Variants in PTPRN2 observed in about 807,000 individuals in gnomAD.
PTPRN2 encodes the protein receptor-type tyrosine-protein phosphatase N2.
PTPRN2 carries 74 observed loss-of-function variants against 118.8 expected under a neutral mutation model. The ratio of observed to expected loss-of-function variants is 0.62; its 90% CI spans 0.52 to 0.76. PTPRN2 has a LOEUF of 0.76. PTPRN2 is among the 30% of genes least tolerant of loss of function. The pLI is 0.00. For missense variants in PTPRN2, 1,481 were observed against 1,394.4 expected (o/e 1.06, Z -0.99); for synonymous variants, 641 against 608.0 (o/e 1.05, Z -0.80).
rs773731835 is a variant in PTPRN2, at chr7:157,578,110, C to T, written c.2527G>A (p.Val843Ile). Reference protein sequence around the residue: ...MVWESGCVVIVMLTPLAENGV... With the variant: ...MVWESGCVVIIMLTPLAENGV... ...TTCTCCGCGAGGGGTGTCAGCATGA[C>T]GATCACCACGCAGCCGCTCTCCCAC... is the stretch of plus-strand genomic sequence containing the variant. The change falls in exon 18 of 23, where the codon GTC becomes ATC. Residue 843 changes from valine to isoleucine, a missense_variant. Physicochemically the swap from Val to Ile is conservative, Grantham distance 29. Coordinates refer to ENST00000389418, the MANE Select transcript of PTPRN2 (RefSeq NM_002847.5). 2.5e-6 allele frequency: 4 copies of T among 1,612,960 alleles called. No individual in the cohort carries two copies. Among genetic ancestry groups the T allele is most frequent in the East Asian group, 2.2e-5 (1 of 44,874 alleles).
intron 12 of PTPRN2, among the ~76,000 whole-genome samples, chr7:157,731,651 C>A (rs1799928293): frequency 2.6e-5 from 1 of 38,446 alleles, no homozygotes. Context: ...TACCCTTTCC[C>A]GTCCCACGCG....
chr7:157,812,073 G>T (rs1301738208), intron 12 of PTPRN2, among the ~76,000 whole-genome samples: 1 of 152,156 alleles, frequency 6.6e-6, no homozygotes, highest in Non-Finnish European at 1.5e-5. Flanking sequence ...TGTGACTGAG[G>T]GTTTGGCCGG....
intron 12 of PTPRN2, among the ~76,000 whole-genome samples, chr7:157,696,695 C>T (rs1319231126): frequency 1.3e-5 from 2 of 149,696 alleles, no homozygotes; most frequent in South Asian, 2.2e-4. Context: ...GAGCCCTCAC[C>T]GTCTACCCAT....
chr7:157,811,330 T>TA (rs1267861543), intron 12 of PTPRN2, among the ~76,000 whole-genome samples: 6 of 44,414 alleles, frequency 1.4e-4, no homozygotes, highest in African/African-American at 3.4e-4. Context: ...TAATCTACTC[T>TA]ATTATATATA....
chr7:157,868,273 A>G lies in PTPRN2; in HGVS notation c.1788+30400T>C, dbSNP rs1457588893. On this transcript the variant is annotated intron_variant, in intron 12 of 22. Coordinates refer to ENST00000389418, the MANE Select transcript of PTPRN2 (RefSeq NM_002847.5). This position sits in a 1 kb window ranked among gnomAD's most constrained non-coding sequence, Gnocchi z 5.2. ...TGGGACTCGGCAAGCCCATCTGAAC[A>G]GGGCTCTCTGCAGGCAGCCCCAGGC... 6.6e-6 allele frequency among the ~76,000 whole-genome samples: 1 copy of G among 152,210 alleles called. No individual in the cohort carries two copies. The highest frequency in any genetic ancestry group is 1.5e-5 in the Non-Finnish European group (1 of 68,028).
At chr7:158,358,215 C>T (rs532866455) in intron 2 of PTPRN2, among the ~76,000 whole-genome samples, 4 of 152,318 alleles carry the variant, frequency 2.6e-5, no homozygotes, top group South Asian at 4.1e-4. Flanking sequence ...AGACGCCCTA[C>T]GCCCACCTTT....
intron 21 of PTPRN2, among the ~76,000 whole-genome samples, chr7:157,557,493 A>G (rs1444029348): frequency 2.0e-5 from 3 of 151,274 alleles, no homozygotes; most frequent in African/African-American, 7.3e-5. Flanking sequence ...GTGCATGCAC[A>G]CACAGGTACA....
Position 158,077,746 on chromosome 7 carries a change from G to A in PTPRN2, c.1723+3552C>T, listed in dbSNP as rs144284381. Among the ~76,000 whole-genome samples the A allele has an allele frequency of 6.8e-3, 1,039 of 152,294 alleles. 8 individuals are homozygous for A. The highest frequency in any genetic ancestry group is 0.023 in the African/African-American group (939 of 41,566). The stretch of plus-strand genomic sequence containing the variant: ...CACCGGGTGAGGGTCTCTGCAGACT[G>A]GGAGCCAGCAAAAGCAAACAGTTTC... On this transcript the variant is annotated intron_variant, in intron 11 of 22. Coordinates refer to ENST00000389418, the MANE Select transcript of PTPRN2 (RefSeq NM_002847.5).
At chr7:157,891,502 G>A (rs1796805575) in intron 12 of PTPRN2, among the ~76,000 whole-genome samples, 1 of 126,046 alleles carries the variant, frequency 7.9e-6, no homozygotes, top group African/African-American at 3.1e-5. Context: ...CCCCATCCCA[G>A]GTAACACACA....
intron 12 of PTPRN2, among the ~76,000 whole-genome samples, chr7:157,728,448 A>G (rs2150933389): frequency 6.6e-6 from 1 of 152,310 alleles, no homozygotes; most frequent in South Asian, 2.1e-4. Flanking sequence ...CACGGGGGCG[A>G]GGGGCTGGGC....
intron 17 of PTPRN2, among the ~76,000 whole-genome samples, chr7:157,581,952 C>T (rs566132880): frequency 3.9e-5 from 6 of 152,328 alleles, no homozygotes; most frequent in African/African-American, 1.2e-4. Flanking sequence ...CCACGCCACA[C>T]CCCTCATGGC....
chr7:157,985,575 T>C (rs1461621225), intron 11 of PTPRN2, among the ~76,000 whole-genome samples: 1 of 152,236 alleles, frequency 6.6e-6, no homozygotes, highest in Non-Finnish European at 1.5e-5. Context: ...AATGTAGTTA[T>C]ACCATATATG....
chr7:158,346,929 A>C (rs1807556293), intron 2 of PTPRN2, among the ~76,000 whole-genome samples: 1 of 152,032 alleles, frequency 6.6e-6, no homozygotes, highest in Non-Finnish European at 1.5e-5. Context: ...CAGATTCTTT[A>C]CCTGTCTTTT....
At chr7:158,454,511 G>A (rs971863925) in intron 2 of PTPRN2, among the ~76,000 whole-genome samples, 4 of 149,338 alleles carry the variant, frequency 2.7e-5, no homozygotes, top group African/African-American at 1.0e-4. Flanking sequence ...CTGATGTGAG[G>A]ATTGGGGACA....
intron 12 of PTPRN2, among the ~76,000 whole-genome samples, chr7:157,775,725 T>C (rs896533786): frequency 6.6e-6 from 1 of 152,144 alleles, no homozygotes; most frequent in Non-Finnish European, 1.5e-5. Flanking sequence ...CTGGGGTACC[T>C]GCTGGGGCAT....
At chr7:158,058,809 C>A (rs529505071) in intron 11 of PTPRN2, among the ~76,000 whole-genome samples, 1 of 90,166 alleles carries the variant, frequency 1.1e-5, no homozygotes, top group Non-Finnish European at 2.1e-5. Flanking sequence ...CACACAGTGA[C>A]GCATCACTGC....
At chr7:158,273,146 G>A (rs1270046792) in intron 3 of PTPRN2, among the ~76,000 whole-genome samples, 4 of 152,104 alleles carry the variant, frequency 2.6e-5, no homozygotes, top group East Asian at 1.9e-4. Context: ...TGCAGGATTC[G>A]AGTGCCCTTC....
At chr7:158,286,234 G>T (rs1438402039) in intron 3 of PTPRN2, among the ~76,000 whole-genome samples, 2 of 152,094 alleles carry the variant, frequency 1.3e-5, no homozygotes, top group Non-Finnish European at 2.9e-5. Context: ...GAATTTATTA[G>T]CTCTAACAGT....
chr7:158,332,323 TAAGAGCTGAGGCCCACAGAGGA>T (rs1804642638), intron 2 of PTPRN2, among the ~76,000 whole-genome samples: 2 of 47,804 alleles, frequency 4.2e-5, no homozygotes, highest in South Asian at 1.2e-3. Context: ...ACTCTCACCA[TAAGAGCTGAGGCCCACAGAGGA>T]CACTCACACC....
Sources: allele counts gnomAD v4.1 joint callset (sites outside exome capture counted in the v4.1 genomes callset), GRCh38; gene constraint gnomAD v4.1.1; non-coding constraint Gnocchi (gnomAD v3.1); transcripts MANE v1.5; gene names NCBI Gene and HGNC (gene_info 2026-07-23, HGNC 2026-07-21).